Variants in KLHL32 observed in about 807,000 individuals in gnomAD.
KLHL32 encodes the protein kelch like family member 32, also known as kelch-like protein 32.
A neutral mutation model predicts 64.8 loss-of-function variants in KLHL32; 35 were observed. That is an observed-to-expected ratio of 0.54 (90% CI 0.41 to 0.72). The LOEUF is 0.72. Among genes scored for constraint, KLHL32 ranks in the 30% least tolerant of loss-of-function variants. KLHL32 has a pLI of 0.00. For missense variants in KLHL32, 589 were observed against 768.5 expected, an observed-to-expected ratio of 0.77 and a Z score of 2.76; for synonymous variants, 259 against 281.0, an observed-to-expected ratio of 0.92 and a Z score of 0.78.
intron 6 of KLHL32, among the ~76,000 whole-genome samples, chr6:97,087,453 T>TTGATGG (rs1793587253): frequency 6.6e-6 from 1 of 152,218 alleles, no homozygotes; most frequent in Non-Finnish European, 1.5e-5. Flanking sequence ...GAGACAGATC[T>TTGATGG]ACAGAATCTC....
At chr6:97,090,775 G>A (rs1794105906) in intron 6 of KLHL32, among the ~76,000 whole-genome samples, 1 of 152,182 alleles carries the variant, frequency 6.6e-6, no homozygotes, top group Non-Finnish European at 1.5e-5. Flanking sequence ...GAAAACTGAG[G>A]TTACATATCT....
chr6:96,901,585 C>A, the KLHL32 span, among the ~76,000 whole-genome samples: 1 of 152,182 alleles, frequency 6.6e-6, no homozygotes, highest in Admixed American at 6.5e-5. Context: ...TTTGCAGGTT[C>A]AGGGATTAAG....
At chr6:97,058,004 A>G (rs1788288633) in intron 4 of KLHL32, among the ~76,000 whole-genome samples, 1 of 152,144 alleles carries the variant, frequency 6.6e-6, no homozygotes, top group Admixed American at 6.5e-5. Context: ...ACTATCTTTT[A>G]TCCATTATTA....
rs184618687 is a variant in KLHL32, at chr6:97,001,761, C to G, written c.204+25584C>G. Among the ~76,000 whole-genome samples, 319 of 152,280 alleles carry G rather than the reference C, an allele frequency of 2.1e-3. 1 individual carries two copies. The highest frequency in any genetic ancestry group is 3.6e-3 in the Non-Finnish European group (248 of 68,020). The stretch of plus-strand genomic sequence containing the variant: ...GTCATGGTCTATTAGGTCTTAGTGT[C>G]AAAGTTGAGTGATTCTAAGATAATG... On this transcript the variant is annotated intron_variant, in intron 3 of 10. Transcript: ENST00000369261.
At chr6:97,026,780 T>A (rs1333083023) in intron 3 of KLHL32, among the ~76,000 whole-genome samples, 1 of 152,228 alleles carries the variant, frequency 6.6e-6, no homozygotes, top group Admixed American at 6.5e-5. Context: ...TTAGTTTACA[T>A]TGAGTTTTAA....
chr6:96,964,540 C>A (rs957743982), intron 1 of KLHL32, among the ~76,000 whole-genome samples: 1 of 152,136 alleles, frequency 6.6e-6, no homozygotes, highest in Non-Finnish European at 1.5e-5. Flanking sequence ...GTAGTCCCAG[C>A]TACTCAGGAG....
At position 97,085,179 on chromosome 6, in the gene KLHL32, C is replaced by G; in HGVS notation, c.465C>G (p.Asn155Lys). ...TGTACAGACTTGCTGACCTCTTTAA[C>G]CTCACTTTGTTGGAGAAGGCAGTGA... is the stretch of plus-strand genomic sequence containing the variant. ...LDLYRLADLF[N>K]LTLLEKAVID... The change falls in exon 6 of 11, where the codon AAC (asparagine) becomes AAG (lysine). Residue 155 changes from asparagine to lysine, a missense_variant. Asn to Lys is a moderately conservative substitution (Grantham distance 94, BLOSUM62 0). Transcript: ENST00000369261. 6.2e-7 allele frequency: 1 copy of G among 1,614,026 alleles called. No individual in the cohort carries two copies. Among genetic ancestry groups the G allele is most frequent in the Non-Finnish European group, 8.5e-7 (1 of 1,180,024 alleles).
chr6:97,032,997 C>T (rs1273508070), intron 3 of KLHL32, among the ~76,000 whole-genome samples: 2 of 151,530 alleles, frequency 1.3e-5, no homozygotes, highest in Non-Finnish European at 2.9e-5. Flanking sequence ...TGGTGCTTCT[C>T]CTAACATATC....
At chr6:96,902,314 C>T in the KLHL32 span, among the ~76,000 whole-genome samples, 1 of 152,214 alleles carries the variant, frequency 6.6e-6, no homozygotes, top group East Asian at 1.9e-4. Flanking sequence ...GGGATGCTAT[C>T]TCATTGTGGT....
chr6:97,091,018 G>C (rs1562326234), intron 6 of KLHL32, among the ~76,000 whole-genome samples: 1 of 152,222 alleles, frequency 6.6e-6, no homozygotes, highest in Non-Finnish European at 1.5e-5. Context: ...GAGCCCAGAA[G>C]TTTGAGACCA....
chr6:97,050,846 TAAA>T (rs952778581), intron 4 of KLHL32, among the ~76,000 whole-genome samples: 3 of 151,238 alleles, frequency 2.0e-5, no homozygotes, highest in African/African-American at 7.3e-5. Flanking sequence ...CTACTAAAAA[TAAA>T]AAAAATAGCC....
intron 8 of KLHL32, among the ~76,000 whole-genome samples, chr6:97,128,188 T>C (rs1799070266): frequency 6.6e-6 from 1 of 152,254 alleles, no homozygotes; most frequent in Non-Finnish European, 1.5e-5. Context: ...AGGTTGGCTT[T>C]GGCAGTCTGG....
chr6:97,114,029 T>C lies in KLHL32; in HGVS notation c.874T>C (p.Tyr292His). Residue 292 changes from tyrosine to histidine, a missense_variant, in exon 7 of 11, where the codon TAT (tyrosine) becomes CAT (histidine). By Grantham distance (83) the Tyr-to-His change is moderately conservative (BLOSUM62 2). Transcript: ENST00000369261. ...ACCACGATTCCAGTCAGACACTCTG[T>C]ATATCATTGGTGGGAAAAAGCGCGA... ...TKPRFQSDTL[Y>H]IIGGKKREVC... 1.2e-6 allele frequency: 2 copies of C among 1,614,150 alleles called. No homozygotes were observed.
At chr6:97,032,449 C>A (rs1265464039) in intron 3 of KLHL32, among the ~76,000 whole-genome samples, 6 of 152,094 alleles carry the variant, frequency 3.9e-5, no homozygotes, top group Non-Finnish European at 1.5e-5. Flanking sequence ...GATGAGGATC[C>A]CTATTCTATG....
intron 6 of KLHL32, among the ~76,000 whole-genome samples, chr6:97,094,803 G>C (rs1241662140): frequency 6.6e-6 from 1 of 152,088 alleles, no homozygotes; most frequent in African/African-American, 2.4e-5. Flanking sequence ...TCAAGAACAG[G>C]AGCTAAAAAG....
At chr6:96,993,314 T>G (rs1335441644) in intron 3 of KLHL32, among the ~76,000 whole-genome samples, 2 of 152,194 alleles carry the variant, frequency 1.3e-5, no homozygotes, top group Non-Finnish European at 2.9e-5. Flanking sequence ...GTGATCTAAG[T>G]TGGCCTTGTT....
chr6:97,114,389 G>T lies in KLHL32; in HGVS notation c.1234G>T (p.Val412Phe). Residue 412 changes from valine to phenylalanine, a missense_variant, in exon 7 of 11, where the codon GTT becomes TTT. Around this residue, in one of 3 missense-constraint regions of KLHL32, gnomAD observed 226 missense variants for 353.2 expected, o/e 0.64. Coordinates refer to ENST00000369261, the MANE Select transcript of KLHL32 (RefSeq NM_052904.4). ...AVGGRNELRQ[V>F]LPTVERYCPK... Reference sequence around the variant, plus strand: ...TGGGGGCAGAAATGAACTGCGCCAGGTTCTGCCTACAGTTGAGCGATATTG... The same window carrying T: ...TGGGGGCAGAAATGAACTGCGCCAGTTTCTGCCTACAGTTGAGCGATATTG... The T allele has an allele frequency of 6.2e-7, 1 of 1,614,204 alleles. No homozygotes were observed. The highest frequency in any genetic ancestry group is 8.5e-7 in the Non-Finnish European group (1 of 1,180,048).
At chr6:97,025,092 G>A (rs1447391996) in intron 3 of KLHL32, 16 of 985,134 alleles carry the variant, frequency 1.6e-5, no homozygotes, top group East Asian at 2.3e-4. Flanking sequence ...AGTGTTGAGC[G>A]AAGGCAGATG....
In KLHL32 at chr6:97,098,143, A is replaced by G. The variant is rs146465511; in HGVS notation, c.627+12802A>G. On this transcript the variant is annotated intron_variant, in intron 6 of 10. Coordinates refer to ENST00000369261, the MANE Select transcript of KLHL32 (RefSeq NM_052904.4). ...CTATTTGAAGTATAGGCTAAAAACGATACAGACATCTAATAATGCTGGTGT... is the reference window on the plus strand; with the variant it reads ...CTATTTGAAGTATAGGCTAAAAACGGTACAGACATCTAATAATGCTGGTGT... Among the ~76,000 whole-genome samples, 11 of 152,320 alleles carry G rather than the reference A, an allele frequency of 7.2e-5. No homozygotes were observed. The East Asian group carries it at 2.1e-3, about 29-fold the overall frequency.
Sources: gnomAD v4.1 joint callset for allele counts (sites outside exome capture counted in the v4.1 genomes callset) on GRCh38, gnomAD v4.1.1 for gene constraint, gnomAD v4.1.1 regional missense constraint, MANE v1.5 for transcripts, NCBI Gene and HGNC (gene_info 2026-07-23, HGNC 2026-07-21) for gene names.